CD47: variants seen among roughly 807,000 people sequenced by gnomAD.
CD47 encodes CD47 molecule, also known as leukocyte surface antigen CD47.
In CD47, 11 loss-of-function variants were observed where a neutral mutation model predicts 44.6. The observed-to-expected ratio is 0.25, with a 90% CI of 0.16 to 0.41. The LOEUF (loss-of-function observed/expected upper bound fraction) is 0.41, where lower values mean the gene tolerates loss of function less well. CD47 is among the 10% of genes least tolerant of loss of function. The pLI is 1.00. For synonymous variants in CD47, 140 were observed against 136.3 expected, an observed-to-expected ratio of 1.03 and a Z score of -0.19; for missense variants, 306 against 386.7, an observed-to-expected ratio of 0.79 and a Z score of 1.75.
chr3:108,047,386 G>A lies in CD47; in HGVS notation c.968-94C>T, dbSNP rs1405213986. 24 of 883,880 alleles carry A rather than the reference G, an allele frequency of 2.7e-5. No individual in the cohort carries two copies. The Admixed American group carries it at 6.0e-4, about 22-fold the overall frequency. The allele number at this position is 883,880 out of a possible 1,614,324, so 54.8% of individuals were successfully genotyped here. ...CATTAAAAAAAGTTTCAGATATATA[G>A]TATCTAAAAATTAAGAAAATAGACC... On this transcript the variant is annotated intron_variant, in intron 10 of 10. Coordinates refer to ENST00000361309, the MANE Select transcript of CD47 (RefSeq NM_001777.4).
At chr3:108,067,726 A>C (rs1298101682) in intron 3 of CD47, among the ~76,000 whole-genome samples, 1 of 152,216 alleles carries the variant, frequency 6.6e-6, no homozygotes, top group African/African-American at 2.4e-5. Context: ...CTAAAGGTGA[A>C]GGTATTTAGG....
At chr3:108,058,883 C>T (rs1395188577) in intron 5 of CD47, among the ~76,000 whole-genome samples, 1 of 152,178 alleles carries the variant, frequency 6.6e-6, no homozygotes, top group African/African-American at 2.4e-5. Flanking sequence ...CAGAGATAGG[C>T]TCTAAGACCA....
Position 108,068,556 on chromosome 3 carries a change from C to T in CD47, c.490+2537G>A, listed in dbSNP as rs1405048211. Among the ~76,000 whole-genome samples the T allele has an allele frequency of 2.6e-5, 4 of 152,026 alleles. 1 individual carries two copies. The highest frequency in any genetic ancestry group is 3.9e-4 in the East Asian group (2 of 5,186). On this transcript the variant is annotated intron_variant, in intron 3 of 10. Coordinates refer to ENST00000361309, the MANE Select transcript of CD47 (RefSeq NM_001777.4). ...TAAAATCCTCAAAATAAATGCAAAA[C>T]GGGGAGGCAGTACAGTGCAGTGGTA...
Position 108,050,405 on chromosome 3 carries a change from C to T in CD47, c.934+173G>A, listed in dbSNP as rs2007775. ...TGCCGGGATCGCAAGCGTGAGCCAC[C>T]GCACCCAGCCCATAATTCTTGATGA... On this transcript the variant is annotated intron_variant, in intron 9 of 10. Transcript: ENST00000361309. Among the ~76,000 whole-genome samples, 557 of 152,208 alleles carry T rather than the reference C, an allele frequency of 3.7e-3. 7 individuals are homozygous for T. Among genetic ancestry groups the T allele is most frequent in the East Asian group, 0.026 (136 of 5,178 alleles).
chr3:108,075,654 C>T (rs934414121), intron 2 of CD47, among the ~76,000 whole-genome samples: 5 of 152,138 alleles, frequency 3.3e-5, no homozygotes, highest in Admixed American at 1.3e-4. Flanking sequence ...ATTCCCTCCC[C>T]TTGTGTGTGG....
intron 2 of CD47, 29 bp downstream of exon 2, chr3:108,079,961 TA>T (rs1560028960): frequency 6.7e-7 from 1 of 1,495,496 alleles, no homozygotes; most frequent in Non-Finnish European, 9.2e-7. Context: ...CCAGGACAAA[TA>T]AAAAAAGAAG....
intron 1 of CD47, among the ~76,000 whole-genome samples, chr3:108,082,085 G>A (rs2079431635): frequency 6.6e-6 from 1 of 151,894 alleles, no homozygotes; most frequent in South Asian, 2.1e-4. Flanking sequence ...AGAATAAAGG[G>A]GTGAAGATGT....
intron 1 of CD47, among the ~76,000 whole-genome samples, chr3:108,090,493 G>A (rs2079610376): frequency 6.6e-6 from 1 of 152,202 alleles, no homozygotes; most frequent in Non-Finnish European, 1.5e-5. Context: ...TGCGAAAGAA[G>A]GGGATCCCTA....
At chr3:108,071,349 T>C (rs1304557839) in intron 2 of CD47, among the ~76,000 whole-genome samples, 167 bp from the exon 3 acceptor site, 1 of 152,160 alleles carries the variant, frequency 6.6e-6, no homozygotes, top group East Asian at 1.9e-4. Context: ...ATAAAACAAA[T>C]TACACATAAT....
At chr3:108,053,944 C>T (rs557873757) in intron 7 of CD47, 1 of 152,338 alleles carries the variant, frequency 6.6e-6, no homozygotes, top group East Asian at 1.9e-4. Context: ...CATGTATATA[C>T]AACTGACTTC....
intron 7 of CD47, among the ~76,000 whole-genome samples, chr3:108,055,199 G>A (rs1260732573): frequency 6.6e-6 from 1 of 152,044 alleles, no homozygotes; most frequent in Non-Finnish European, 1.5e-5. Flanking sequence ...TTTAAAGTTG[G>A]AAATAATAAA....
chr3:108,049,748 T>C, intron 9 of CD47, 97 bp from the exon 10 acceptor site: 1 of 798,562 alleles, frequency 1.3e-6, no homozygotes, highest in Non-Finnish European at 2.2e-6. Context: ...CTAACTAGTC[T>C]ACAACTCTAC....
intron 3 of CD47, among the ~76,000 whole-genome samples, chr3:108,063,384 A>G (rs2079052877): frequency 6.6e-6 from 1 of 152,170 alleles, no homozygotes; most frequent in Non-Finnish European, 1.5e-5. Flanking sequence ...TCTTCAGTGA[A>G]TCTTCAGAAA....
chr3:108,048,930 TAATATGTTAAGGTAAAACCAA>T (rs2078770634), intron 10 of CD47, among the ~76,000 whole-genome samples: 1 of 152,182 alleles, frequency 6.6e-6, no homozygotes, highest in African/African-American at 2.4e-5. Context: ...TGAGGAATCA[TAATATGTTAAGGTAAAACCAA>T]AATAAATGCT....
chr3:108,071,564 G>A (rs2108253991), intron 2 of CD47, among the ~76,000 whole-genome samples: 1 of 152,282 alleles, frequency 6.6e-6, no homozygotes, highest in South Asian at 2.1e-4. Flanking sequence ...GTTCTTTGGT[G>A]TCCTCAACTG....
At chr3:108,081,285 A>C (rs2079413082) in intron 1 of CD47, among the ~76,000 whole-genome samples, 1 of 152,010 alleles carries the variant, frequency 6.6e-6, no homozygotes, top group South Asian at 2.1e-4. Flanking sequence ...ATGTGTAGGA[A>C]TTGTAGTTGT....
Position 108,080,299 on chromosome 3 carries a change from G to C in CD47, c.92C>G (p.Thr31Arg). 1 of 1,610,454 alleles carries C rather than the reference G, an allele frequency of 6.2e-7. No individual in the cohort carries two copies. The highest frequency in any genetic ancestry group is 8.5e-7 in the Non-Finnish European group (1 of 1,177,352). ...LFNKTKSVEF[T>R]FCNDTVVIPC... ...AATGACGACAGTGTCATTACAAAAC[G>C]TGAATTCTACAGATTTTGTTTTATT... The change falls in exon 2 of 11, where the codon ACG (threonine) becomes AGG (arginine). Residue 31 changes from threonine to arginine, a missense_variant. By Grantham distance (71) the Thr-to-Arg change is moderately conservative. Coordinates refer to ENST00000361309, the MANE Select transcript of CD47 (RefSeq NM_001777.4).
chr3:108,077,740 T>C (rs946799852), intron 2 of CD47, among the ~76,000 whole-genome samples: 1 of 152,088 alleles, frequency 6.6e-6, no homozygotes, highest in Admixed American at 6.6e-5. Flanking sequence ...AAAAGAACTA[T>C]TGATAGATGC....
intron 2 of CD47, among the ~76,000 whole-genome samples, chr3:108,074,777 C>T (rs2079277504): frequency 6.6e-6 from 1 of 151,568 alleles, no homozygotes; most frequent in Admixed American, 6.6e-5. Flanking sequence ...CACTGCTGCA[C>T]ATTTCTGCTG....
Sources: gnomAD v4.1 joint callset for allele counts (sites outside exome capture counted in the v4.1 genomes callset) on GRCh38, gnomAD v4.1.1 for gene constraint, MANE v1.5 for transcripts, NCBI Gene and HGNC (gene_info 2026-07-23, HGNC 2026-07-21) for gene names.